The following TLN2 variants were observed in gnomAD, a reference collection of about 807,000 sequenced individuals.
The protein encoded by TLN2 is talin-2.
Under a neutral mutation model 294.7 loss-of-function variants are expected in TLN2, and 118 were observed. That is an observed-to-expected ratio of 0.40 (90% confidence interval 0.34 to 0.47). The LOEUF (loss-of-function observed/expected upper bound fraction) is 0.47, where lower values mean the gene tolerates loss of function less well. TLN2 is among the 20% of genes least tolerant of loss of function. TLN2 has a pLI of 0.84. For missense variants in TLN2, 3,083 were observed against 3,282.2 expected (o/e 0.94, Z 1.48); for synonymous variants, 1,431 against 1,304.5 (o/e 1.10, Z -2.09).
At chr15:62,739,240 G>A in intron 30 of TLN2, 108 bp from the exon 31 acceptor site, 1 of 1,255,028 alleles carries the variant, frequency 8.0e-7, no homozygotes, top group South Asian at 1.5e-5. Flanking sequence ...TAATCGTGAT[G>A]ACTCAAATGC....
intron 34 of TLN2, among the ~76,000 whole-genome samples, chr15:62,750,973 A>ATTGTT (rs141785831): frequency 0.027 from 4,162 of 152,034 alleles, 195 homozygotes; most frequent in African/African-American, 0.094. Flanking sequence ...GGAGGGTGAA[A>ATTGTT]TTGTTTTGTT....
At chr15:62,755,506 C>T (rs1302691038) in intron 36 of TLN2, 26 bp from the exon 37 acceptor site, 4 of 1,611,768 alleles carry the variant, frequency 2.5e-6, no homozygotes, top group Non-Finnish European at 3.4e-6. Context: ...CATGGGGTAC[C>T]CCCAACCTAG....
intron 45 of TLN2, among the ~76,000 whole-genome samples, chr15:62,788,508 G>A (rs548526482): frequency 7.2e-5 from 11 of 152,232 alleles, no homozygotes; most frequent in East Asian, 1.9e-4. Context: ...GCTGTGATGG[G>A]CCCAATCTTG....
At chr15:62,812,179 AT>A (rs1355480958) in intron 52 of TLN2, among the ~76,000 whole-genome samples, 11 of 151,410 alleles carry the variant, frequency 7.3e-5, no homozygotes, top group Non-Finnish European at 1.6e-4. Flanking sequence ...ATTTCTCCTT[AT>A]TTTTTCTCTC....
chr15:62,486,166 T>C (rs1366386661), intron 1 of TLN2, among the ~76,000 whole-genome samples: 1 of 152,250 alleles, frequency 6.6e-6, no homozygotes, highest in Non-Finnish European at 1.5e-5. Context: ...CTAAATACTT[T>C]AGAAAGTCTT....
At chr15:62,821,595 G>A (rs1050149287) in intron 54 of TLN2, among the ~76,000 whole-genome samples, 55 of 152,322 alleles carry the variant, frequency 3.6e-4, no homozygotes, top group African/African-American at 1.2e-3. Flanking sequence ...TTCAGCTTGG[G>A]AACATTATTA....
chr15:62,410,748 G>A (rs1325457440), intron 1 of TLN2, among the ~76,000 whole-genome samples: 1 of 152,190 alleles, frequency 6.6e-6, no homozygotes, highest in Non-Finnish European at 1.5e-5. Context: ...ACAGAGGTTT[G>A]GGGGATGAAT....
intron 1 of TLN2, among the ~76,000 whole-genome samples, chr15:62,421,622 G>A (rs1490624738): frequency 1.3e-5 from 2 of 151,382 alleles, no homozygotes; most frequent in Non-Finnish European, 2.9e-5. Context: ...GGGACTAAAT[G>A]ATGAGGACAT....
At chr15:62,725,394 A>C (rs996486042) in intron 27 of TLN2, among the ~76,000 whole-genome samples, 2 of 152,192 alleles carry the variant, frequency 1.3e-5, no homozygotes, top group African/African-American at 4.8e-5. Context: ...ATCATGATGC[A>C]CATAGAAAAG....
intron 3 of TLN2, among the ~76,000 whole-genome samples, chr15:62,630,956 T>C (rs1176281036): frequency 1.3e-5 from 2 of 152,142 alleles, no homozygotes; most frequent in African/African-American, 4.8e-5. Flanking sequence ...CTAGATGTCT[T>C]TCGAAAGATA....
At chr15:62,829,438 A>G (rs1388159539) in intron 54 of TLN2, 2 of 152,092 alleles carry the variant, frequency 1.3e-5, no homozygotes, top group African/African-American at 4.8e-5. Flanking sequence ...CTTACTCACT[A>G]TCACGAGAAC....
intron 1 of TLN2, among the ~76,000 whole-genome samples, chr15:62,486,715 G>A (rs2038420925): frequency 6.6e-6 from 1 of 151,316 alleles, no homozygotes; most frequent in Non-Finnish European, 1.5e-5. Context: ...TGTTGAATTT[G>A]CATAACATAA....
At chr15:62,596,264 C>CAAA (rs71129015) in intron 2 of TLN2, among the ~76,000 whole-genome samples, 1,612 of 81,634 alleles carry the variant, frequency 0.02, 49 homozygotes, top group South Asian at 0.084. Context: ...GACTCCATCT[C>CAAA]AAAAAAAAAA....
intron 1 of TLN2, among the ~76,000 whole-genome samples, chr15:62,568,428 T>C (rs1183167808): frequency 6.6e-6 from 1 of 152,162 alleles, no homozygotes; most frequent in Non-Finnish European, 1.5e-5. Context: ...GAACGATTAT[T>C]TTTGGTCTAT....
intron 1 of TLN2, among the ~76,000 whole-genome samples, chr15:62,455,471 G>A (rs929878305): frequency 3.9e-5 from 6 of 152,162 alleles, no homozygotes; most frequent in Admixed American, 1.3e-4. Flanking sequence ...CTGGGGCACC[G>A]CAATGTATGG....
chr15:62,449,451 C>T (rs2035984311), intron 1 of TLN2, among the ~76,000 whole-genome samples: 1 of 152,074 alleles, frequency 6.6e-6, no homozygotes, highest in Admixed American at 6.5e-5. Context: ...GGAAAGTTTA[C>T]ACATTCCTGT....
At chr15:62,714,148 C>T (rs903274108) in intron 22 of TLN2, among the ~76,000 whole-genome samples, 2 of 147,514 alleles carry the variant, frequency 1.4e-5, no homozygotes, top group African/African-American at 5.0e-5. Context: ...AAGATGAATG[C>T]TAATGCCACA....
In TLN2 at chr15:62,511,342, T is replaced by C. The variant is rs183024429; in HGVS notation, c.-237-78345T>C. On this transcript the variant is annotated intron_variant, in intron 1 of 58. Transcript: ENST00000636159. ...TACTTTTCCATGAAAATTCAACACC[T>C]GTCCTCAAAACAGCTGGGTCTAGCT... Among the ~76,000 whole-genome samples the C allele has an allele frequency of 2.0e-3, 306 of 152,370 alleles. 2 individuals are homozygous for C. Among genetic ancestry groups the C allele is most frequent in the African/African-American group, 7.1e-3 (296 of 41,590 alleles).
In TLN2 at chr15:62,494,611, C is replaced by T. The variant is rs192196114; in HGVS notation, c.-237-95076C>T. On this transcript the variant is annotated intron_variant, in intron 1 of 58. Coordinates refer to ENST00000636159, the MANE Select transcript of TLN2 (RefSeq NM_015059.3). The stretch of plus-strand genomic sequence containing the variant: ...AATTGTCCGTAACTTTTAACTCTTC[C>T]CTCCCCCGTGCTTTAGTTGAAAAAT... Among the ~76,000 whole-genome samples, 18 of 152,178 alleles carry T rather than the reference C, an allele frequency of 1.2e-4. No homozygotes were observed. In the East Asian group the frequency reaches 3.5e-3, roughly 29 times the overall value.
Sources: allele counts gnomAD v4.1 joint callset (sites outside exome capture counted in the v4.1 genomes callset), GRCh38; gene constraint gnomAD v4.1.1; transcripts MANE v1.5; gene names NCBI Gene and HGNC (gene_info 2026-07-23, HGNC 2026-07-21).